CDK5RAP2: variants seen among roughly 807,000 people sequenced by gnomAD.
CDK5RAP2 encodes the protein CDK5 regulatory subunit-associated protein 2.
Under a neutral mutation model 232.9 loss-of-function variants are expected in CDK5RAP2, and 147 were observed. The ratio of observed to expected loss-of-function variants is 0.63; its 90% CI spans 0.55 to 0.72. The LOEUF is 0.72. CDK5RAP2 is among the 30% of genes least tolerant of loss of function. The pLI is 0.00. For missense variants in CDK5RAP2, 2,195 were observed against 2,231.5 expected (o/e 0.98, Z 0.33); for synonymous variants, 833 against 833.7 (o/e 1.00, Z 0.01).
At position 120,536,463 on chromosome 9, in the gene CDK5RAP2, G is replaced by A. The variant is rs762534126; in HGVS notation, c.571C>T (p.Leu191Phe). 1.2e-6 allele frequency: 2 copies of A among 1,614,128 alleles called. No individual in the cohort carries two copies. The highest frequency in any genetic ancestry group is 1.7e-5 in the Admixed American group (1 of 60,010). ...AGCTTGCTTTCCAAACGCAACCGAA[G>A]AGCCTTCTCCGTCTCTGTCCCTGCA... ...AFAGTETEKA[L>F]RLRLESKLSE... The change falls in exon 7 of 38, where the codon CTT (leucine) becomes TTT (phenylalanine). Residue 191 changes from leucine to phenylalanine, a missense_variant. Physicochemically the swap from Leu to Phe is conservative, Grantham distance 22 (BLOSUM62 0). Coordinates refer to ENST00000349780, the MANE Select transcript of CDK5RAP2 (RefSeq NM_018249.6).
chr9:120,490,911 AAAC>A (rs1329213943), intron 13 of CDK5RAP2, among the ~76,000 whole-genome samples: 1 of 152,244 alleles, frequency 6.6e-6, no homozygotes, highest in Non-Finnish European at 1.5e-5. Context: ...CGACATGATC[AAAC>A]AAGAAGGGTA....
intron 7 of CDK5RAP2, among the ~76,000 whole-genome samples, chr9:120,533,790 C>CT (rs1314593359): frequency 2.8e-4 from 35 of 122,878 alleles, no homozygotes; most frequent in Non-Finnish European, 4.9e-4. Context: ...AGAGTTAAGA[C>CT]TCCATCTAAA....
intron 6 of CDK5RAP2, 80 bp downstream of exon 6, chr9:120,538,961 T>C (rs2041510888): frequency 3.4e-6 from 5 of 1,488,494 alleles, no homozygotes; most frequent in African/African-American, 1.4e-5. Context: ...TGACGGTTTA[T>C]AAAAAAAGAA....
At chr9:120,464,297 T>C (rs564790824) in intron 18 of CDK5RAP2, among the ~76,000 whole-genome samples, 1 of 152,184 alleles carries the variant, frequency 6.6e-6, no homozygotes, top group African/African-American at 2.4e-5. Flanking sequence ...GGCACCTGTC[T>C]ACAACTCCCT....
chr9:120,561,157 C>T (rs1338314089), intron 3 of CDK5RAP2, among the ~76,000 whole-genome samples: 1 of 152,156 alleles, frequency 6.6e-6, no homozygotes, highest in South Asian at 2.1e-4. Flanking sequence ...TAAGATAATA[C>T]TGCCTACAGC....
chr9:120,555,267 G>C (rs1022160753), intron 3 of CDK5RAP2, among the ~76,000 whole-genome samples: 1 of 152,086 alleles, frequency 6.6e-6, no homozygotes, highest in African/African-American at 2.4e-5. Flanking sequence ...GAGCAGCTGG[G>C]ATTACAGGCA....
chr9:120,515,598 T>C (rs2040298658), intron 12 of CDK5RAP2, among the ~76,000 whole-genome samples: 1 of 152,162 alleles, frequency 6.6e-6, no homozygotes. Context: ...CACTCTAACA[T>C]TGCTGGTGGC....
chr9:120,458,310 C>T, intron 20 of CDK5RAP2, 140 bp downstream of exon 20: 6 of 809,070 alleles, frequency 7.4e-6, no homozygotes, highest in East Asian at 5.3e-5. Flanking sequence ...AATTTCATGA[C>T]TGGCAAGATT....
chr9:120,459,361 A>G (rs1446260144), intron 19 of CDK5RAP2, among the ~76,000 whole-genome samples: 1 of 152,130 alleles, frequency 6.6e-6, no homozygotes, highest in East Asian at 1.9e-4. Flanking sequence ...AATTTCTTCT[A>G]CCAGTCTATA....
intron 14 of CDK5RAP2, among the ~76,000 whole-genome samples, chr9:120,481,733 G>A (rs1303763693): frequency 3.3e-5 from 5 of 151,988 alleles, no homozygotes; most frequent in South Asian, 4.1e-4. Context: ...GGATGGTTGC[G>A]AACTCCTGAG....
At chr9:120,410,478 C>A (rs1225788432) in intron 29 of CDK5RAP2, among the ~76,000 whole-genome samples, 3 of 152,164 alleles carry the variant, frequency 2.0e-5, no homozygotes, top group Non-Finnish European at 4.4e-5. Context: ...CTGCAGTTCC[C>A]AGAGCCTAAC....
chr9:120,508,883 T>C (rs1328594206), intron 12 of CDK5RAP2, among the ~76,000 whole-genome samples: 1 of 152,214 alleles, frequency 6.6e-6, no homozygotes, highest in Non-Finnish European at 1.5e-5. Flanking sequence ...ATTTCTTCAC[T>C]AGATTCCTTC....
At chr9:120,482,675 G>A (rs928036520) in intron 14 of CDK5RAP2, among the ~76,000 whole-genome samples, 1 of 152,198 alleles carries the variant, frequency 6.6e-6, no homozygotes, top group Non-Finnish European at 1.5e-5. Context: ...GCAGTGTCCT[G>A]AGCCAGGCAC....
At chr9:120,458,174 G>T (rs1474098538) in intron 20 of CDK5RAP2, among the ~76,000 whole-genome samples, 1 of 152,182 alleles carries the variant, frequency 6.6e-6, no homozygotes, top group Non-Finnish European at 1.5e-5. Flanking sequence ...TGACAGCAAG[G>T]CAGTCCTTTC....
intron 12 of CDK5RAP2, among the ~76,000 whole-genome samples, chr9:120,503,515 G>A (rs972738467): frequency 6.6e-6 from 1 of 152,178 alleles, no homozygotes; most frequent in South Asian, 2.1e-4. Flanking sequence ...ACTGAAAATT[G>A]ATCATCTTGG....
chr9:120,479,897 T>C (rs1350868622), intron 14 of CDK5RAP2, among the ~76,000 whole-genome samples: 1 of 152,174 alleles, frequency 6.6e-6, no homozygotes, highest in African/African-American at 2.4e-5. Context: ...CTGGTTGTAG[T>C]GGCTGGGCTG....
rs1475663835 is a variant in CDK5RAP2, at chr9:120,396,800, T to C, written c.5452-2162A>G. 2.0e-5 allele frequency among the ~76,000 whole-genome samples: 3 copies of C among 152,220 alleles called. No homozygotes were observed. The South Asian group carries it at 6.2e-4, about 32-fold the overall frequency. Reference sequence around the variant, plus strand: ...CAGTACTTACAACAGGGAATTTTAATTGTTTACATGTCTGTTGTTCCCCTG... The same window carrying C: ...CAGTACTTACAACAGGGAATTTTAACTGTTTACATGTCTGTTGTTCCCCTG... On this transcript the variant is annotated intron_variant, in intron 35 of 37. Transcript: ENST00000349780.
At chr9:120,535,735 G>T (rs756076584) in intron 7 of CDK5RAP2, among the ~76,000 whole-genome samples, 1 of 152,198 alleles carries the variant, frequency 6.6e-6, no homozygotes, top group Non-Finnish European at 1.5e-5. Context: ...ACTAAAGACT[G>T]CCTAAAGGAC....
intron 1 of CDK5RAP2, among the ~76,000 whole-genome samples, chr9:120,574,836 T>G (rs865879883): frequency 2.8e-4 from 42 of 151,792 alleles, no homozygotes; most frequent in African/African-American, 8.0e-4. Context: ...TTTTTTTTTT[T>G]TTTAATGAGG....
Sources: allele counts gnomAD v4.1 joint callset (sites outside exome capture counted in the v4.1 genomes callset), GRCh38; gene constraint gnomAD v4.1.1; transcripts MANE v1.5; gene names NCBI Gene and HGNC (gene_info 2026-07-23, HGNC 2026-07-21).